FRMD4B: variants seen among roughly 807,000 people sequenced by gnomAD.
FRMD4B encodes FERM domain-containing protein 4B.
FRMD4B carries 74 observed loss-of-function variants against 141.5 expected under a neutral mutation model. The observed-to-expected ratio is 0.52, with a 90% CI of 0.43 to 0.63. The LOEUF (loss-of-function observed/expected upper bound fraction) is 0.63, where lower values mean the gene tolerates loss of function less well. FRMD4B is among the 30% of genes least tolerant of loss of function. FRMD4B has a pLI of 0.00. For synonymous variants in FRMD4B, 506 were observed against 467.9 expected (o/e 1.08, Z -1.05); for missense variants, 1,366 against 1,253.4 (o/e 1.09, Z -1.36).
intron 1 of FRMD4B, among the ~76,000 whole-genome samples, chr3:69,446,153 G>A (rs1207457133): frequency 6.9e-6 from 1 of 145,190 alleles, no homozygotes; most frequent in African/African-American, 2.6e-5. Flanking sequence ...TCAGCCTCCT[G>A]AGTAGCTGGG....
At chr3:69,413,141 CG>C (rs1559520457) in intron 2 of FRMD4B, among the ~76,000 whole-genome samples, 1 of 151,904 alleles carries the variant, frequency 6.6e-6, no homozygotes, top group Admixed American at 6.6e-5. Flanking sequence ...GTTTGTTGAA[CG>C]ACGGGATTAA....
chr3:69,506,713 T>TG lies in FRMD4B; in HGVS notation c.-129+35492dup, dbSNP rs869033465. ...CACACCCAGCTACAGCTAATTTTTT[T>TG]GGGGGGGGTGGGTAGAGGTGGGGTC... On this transcript the variant is annotated intron_variant, in intron 1 of 5. Transcript: ENST00000459638. 6.2e-4 allele frequency among the ~76,000 whole-genome samples: 93 copies of TG among 150,326 alleles called. No individual in the cohort carries two copies. In the Middle Eastern group the frequency reaches 0.02, roughly 33 times the overall value.
chr3:69,235,009 G>A lies in FRMD4B; in HGVS notation c.582-10319C>T, dbSNP rs543744473. 2.6e-5 allele frequency among the ~76,000 whole-genome samples: 4 copies of A among 151,962 alleles called. No individual in the cohort carries two copies. In the East Asian group the frequency reaches 5.8e-4, roughly 22 times the overall value. On this transcript the variant is annotated intron_variant, in intron 7 of 22. Transcript: ENST00000398540. Reference sequence around the variant, plus strand: ...ACTAAAAATACAAAAAATTAGCCGGGTGTGGTGGTGTGTGCCTGTAGTCCC... The same window carrying A: ...ACTAAAAATACAAAAAATTAGCCGGATGTGGTGGTGTGTGCCTGTAGTCCC...
Position 69,195,321 on chromosome 3 carries a change from T to G in FRMD4B, c.1278A>C (p.Lys426Asn). Residue 426 changes from lysine to asparagine, a missense_variant, in exon 15 of 23, where the codon AAA (lysine) becomes AAC (asparagine). Transcript: ENST00000398540. ...TCTCCTTCTTCTTTAGTTCAAGGAT[T>G]TTTTCTCTCTTTTGCTCTTCACTAA... The part of the protein sequence containing the change: ...SEVSEEQKRE[K>N]ILELKKKEKL... The G allele has an allele frequency of 6.2e-7, 1 of 1,613,250 alleles. No individual in the cohort carries two copies. Among genetic ancestry groups the G allele is most frequent in the Non-Finnish European group, 8.5e-7 (1 of 1,179,522 alleles).
At chr3:69,223,378 C>T (rs1005309275) in intron 8 of FRMD4B, among the ~76,000 whole-genome samples, 3 of 151,952 alleles carry the variant, frequency 2.0e-5, no homozygotes, top group East Asian at 1.9e-4. Flanking sequence ...AGCTGGGCAT[C>T]GTACCGTGTG....
intron 1 of FRMD4B, among the ~76,000 whole-genome samples, chr3:69,359,237 A>T (rs1703406856): frequency 6.6e-6 from 1 of 152,122 alleles, no homozygotes; most frequent in Admixed American, 6.5e-5. Flanking sequence ...CATGATAAAG[A>T]GGGGTGGAGA....
At chr3:69,469,998 T>C (rs1705861359) in intron 1 of FRMD4B, among the ~76,000 whole-genome samples, 1 of 152,194 alleles carries the variant, frequency 6.6e-6, no homozygotes, top group Admixed American at 6.5e-5. Flanking sequence ...TCAGAAAATC[T>C]AGTTCAGAGG....
chr3:69,461,171 G>A (rs1705701440), intron 1 of FRMD4B, among the ~76,000 whole-genome samples: 1 of 152,134 alleles, frequency 6.6e-6, no homozygotes, highest in African/African-American at 2.4e-5. Flanking sequence ...CATTTTCATT[G>A]TTAAGTTGCA....
intron 5 of FRMD4B, among the ~76,000 whole-genome samples, chr3:69,270,012 C>T (rs1428170021): frequency 6.6e-6 from 1 of 151,320 alleles, no homozygotes; most frequent in Non-Finnish European, 1.5e-5. Context: ...TTCTTTTTCT[C>T]TTCTTTCTTT....
chr3:69,376,119 T>C (rs1349212648), intron 1 of FRMD4B, among the ~76,000 whole-genome samples: 1 of 152,048 alleles, frequency 6.6e-6, no homozygotes, highest in African/African-American at 2.4e-5. Context: ...TGTTTATAGA[T>C]ACAAACAGAT....
At chr3:69,341,919 G>A (rs1312783111) in intron 1 of FRMD4B, among the ~76,000 whole-genome samples, 5 of 152,146 alleles carry the variant, frequency 3.3e-5, no homozygotes, top group Non-Finnish European at 7.4e-5. Flanking sequence ...AAATTACTGA[G>A]TTGCAGTTAC....
intron 1 of FRMD4B, among the ~76,000 whole-genome samples, chr3:69,361,165 T>A (rs1010133554): frequency 1.3e-5 from 2 of 152,210 alleles, no homozygotes; most frequent in Non-Finnish European, 2.9e-5. Flanking sequence ...TTTCTTTTTT[T>A]AAAATTTTCT....
intron 2 of FRMD4B, among the ~76,000 whole-genome samples, chr3:69,399,368 C>T (rs1189030931): frequency 1.3e-5 from 2 of 152,192 alleles, no homozygotes; most frequent in East Asian, 1.9e-4. Flanking sequence ...TATGTCCTTC[C>T]GAACAAGAAC....
At chr3:69,323,587 ACT>A (rs1202175989) in intron 1 of FRMD4B, among the ~76,000 whole-genome samples, 35 of 102,918 alleles carry the variant, frequency 3.4e-4, no homozygotes, top group East Asian at 3.1e-4. Context: ...CAAAAACCCA[ACT>A]CTCTCTCTCT....
At chr3:69,266,661 A>C (rs2093563699) in intron 5 of FRMD4B, among the ~76,000 whole-genome samples, 1 of 152,142 alleles carries the variant, frequency 6.6e-6, no homozygotes, top group African/African-American at 2.4e-5. Flanking sequence ...ATGGAGAAGA[A>C]GGAAAAATTA....
At chr3:69,370,784 G>A (rs997793898) in intron 1 of FRMD4B, among the ~76,000 whole-genome samples, 10 of 152,158 alleles carry the variant, frequency 6.6e-5, no homozygotes, top group South Asian at 4.1e-4. Flanking sequence ...GGTCCCCATC[G>A]TCTCTCAGCT....
chr3:69,463,638 T>C (rs1199919127), intron 1 of FRMD4B, among the ~76,000 whole-genome samples: 5 of 152,208 alleles, frequency 3.3e-5, no homozygotes, highest in Non-Finnish European at 7.3e-5. Flanking sequence ...CACAATGTAA[T>C]AGAGGCAAGG....
intron 9 of FRMD4B, among the ~76,000 whole-genome samples, chr3:69,220,577 C>T (rs1385496865): frequency 6.6e-6 from 1 of 152,144 alleles, no homozygotes; most frequent in East Asian, 1.9e-4. Context: ...AGAGGCTAGG[C>T]ACAGTGGCCC....
chr3:69,267,784 C>T (rs1300714026), intron 5 of FRMD4B, among the ~76,000 whole-genome samples: 1 of 150,990 alleles, frequency 6.6e-6, no homozygotes, highest in South Asian at 2.1e-4. Context: ...AGGCATGCAC[C>T]ACCATGCCTG....
Sources: gnomAD v4.1 joint callset for allele counts (sites outside exome capture counted in the v4.1 genomes callset) on GRCh38, gnomAD v4.1.1 for gene constraint, MANE v1.5 for transcripts, NCBI Gene and HGNC (gene_info 2026-07-23, HGNC 2026-07-21) for gene names.